Variants in DCDC1 observed in about 807,000 individuals in gnomAD.
The protein encoded by DCDC1 is doublecortin domain-containing protein 1.
A neutral mutation model predicts 178.3 loss-of-function variants in DCDC1; 200 were observed. That is an observed-to-expected ratio of 1.12 (90% CI 1.00 to 1.26). The LOEUF (loss-of-function observed/expected upper bound fraction) is 1.26, where lower values mean the gene tolerates loss of function less well. Ranked by LOEUF, DCDC1 falls within the 50% of genes most tolerant of loss-of-function variation. The pLI, the probability that DCDC1 is intolerant of heterozygous loss-of-function variation, is 0.00. For missense variants in DCDC1, 1,983 were observed against 1,749.2 expected (o/e 1.13, Z -2.38); for synonymous variants, 690 against 604.8 (o/e 1.14, Z -2.07).
chr11:31,074,212 C>A (rs1310597772), intron 18 of DCDC1, among the ~76,000 whole-genome samples: 3 of 152,088 alleles, frequency 2.0e-5, no homozygotes, highest in Admixed American at 2.0e-4. Context: ...CACTGGACAT[C>A]GAAGAAGTCA....
intron 11 of DCDC1, among the ~76,000 whole-genome samples, chr11:31,125,059 C>T (rs1023634363): frequency 1.3e-5 from 2 of 151,986 alleles, no homozygotes; most frequent in African/African-American, 4.8e-5. Context: ...CCACAATTTA[C>T]ATGGAACTTA....
At chr11:31,146,856 T>A (rs904157788) in intron 9 of DCDC1, among the ~76,000 whole-genome samples, 3 of 152,130 alleles carry the variant, frequency 2.0e-5, no homozygotes, top group Non-Finnish European at 4.4e-5. Context: ...CCAGCTTAAC[T>A]CTCAGTTACT....
At chr11:31,154,762 C>G (rs1376420038) in intron 9 of DCDC1, among the ~76,000 whole-genome samples, 1 of 152,146 alleles carries the variant, frequency 6.6e-6, no homozygotes, top group African/African-American at 2.4e-5. Context: ...GCAAAGCTAG[C>G]CTTTTACAAT....
intron 13 of DCDC1, among the ~76,000 whole-genome samples, chr11:31,105,822 T>C (rs1958808595): frequency 6.6e-6 from 1 of 152,152 alleles, no homozygotes; most frequent in East Asian, 1.9e-4. Flanking sequence ...TATTTGAATA[T>C]ATAGCAAATC....
intron 18 of DCDC1, among the ~76,000 whole-genome samples, chr11:31,076,276 C>A (rs1206935760): frequency 6.6e-6 from 1 of 152,132 alleles, no homozygotes; most frequent in Non-Finnish European, 1.5e-5. Context: ...ATTGTTGAAG[C>A]TCTCAAATGC....
intron 8 of DCDC1, among the ~76,000 whole-genome samples, chr11:31,257,203 C>T (rs1050647972): frequency 1.3e-5 from 2 of 152,168 alleles, no homozygotes; most frequent in Admixed American, 6.5e-5. Flanking sequence ...CATCTGCTGC[C>T]TTCAATTCTA....
In DCDC1 at chr11:31,062,659, A is replaced by G. The variant is rs866527164; in HGVS notation, c.2591+1810T>C. ...GTACAAAAGACTTGAGGTTTAAATA[A>G]TAAATTAAATAAATAATAAATTGGA... On this transcript the variant is annotated intron_variant, in intron 20 of 38. Transcript: ENST00000684477. 2.0e-5 allele frequency among the ~76,000 whole-genome samples: 3 copies of G among 152,272 alleles called. No homozygotes were observed. In the Middle Eastern group the frequency reaches 0.01, roughly 518 times the overall value.
intron 20 of DCDC1, among the ~76,000 whole-genome samples, chr11:31,036,925 G>A (rs1954078661): frequency 1.3e-5 from 2 of 152,096 alleles, no homozygotes; most frequent in Admixed American, 1.3e-4. Flanking sequence ...TAAGAGTTAG[G>A]TATTACTATT....
rs1418210761 is a variant in DCDC1 at position 30,973,222 on chromosome 11, C to T, written c.2592-20654G>A. On this transcript the variant is annotated intron_variant, in intron 20 of 38. Transcript: ENST00000684477. ...GGGAGGTGGCAGTTAAAGAGTGAGCCAAGATGGCACCACTGCACTCCAACC... is the reference window on the plus strand; with the variant it reads ...GGGAGGTGGCAGTTAAAGAGTGAGCTAAGATGGCACCACTGCACTCCAACC... Among the ~76,000 whole-genome samples the T allele has an allele frequency of 2.1e-5, 3 of 143,158 alleles. No individual in the cohort carries two copies. In the South Asian group the frequency reaches 6.6e-4, roughly 31 times the overall value. The allele number at this position is 143,158 out of a possible 152,430, so 93.9% of individuals were successfully genotyped here. A position where few individuals can be genotyped will look rare whatever the true frequency, so the allele number is the denominator to read the frequency against.
intron 36 of DCDC1, chr11:30,882,935 A>G (rs1017937012): frequency 4.6e-5 from 7 of 152,194 alleles, no homozygotes; most frequent in African/African-American, 1.7e-4. Context: ...GAAACGAGAC[A>G]ACCACAGCTT....
intron 11 of DCDC1, among the ~76,000 whole-genome samples, chr11:31,118,556 A>G (rs776491749): frequency 7.9e-5 from 12 of 152,182 alleles, no homozygotes; most frequent in Non-Finnish European, 1.5e-4. Flanking sequence ...GAACATATGT[A>G]GGAAAGGAAT....
intron 24 of DCDC1, among the ~76,000 whole-genome samples, chr11:30,922,044 C>G (rs1163094107): frequency 6.6e-6 from 1 of 152,086 alleles, no homozygotes; most frequent in East Asian, 1.9e-4. Context: ...TCGTCTGAAC[C>G]AACAGAAGGA....
intron 26 of DCDC1, 62 bp downstream of exon 26, chr11:30,916,808 C>T: frequency 6.7e-7 from 1 of 1,498,342 alleles, no homozygotes; most frequent in South Asian, 1.5e-5. Flanking sequence ...TATATGTGTC[C>T]CAAGGTGAGA....
intron 9 of DCDC1, among the ~76,000 whole-genome samples, chr11:31,216,008 A>AG (rs1203353826): frequency 1.3e-5 from 2 of 152,142 alleles, no homozygotes; most frequent in African/African-American, 4.8e-5. Context: ...AATGTGATGG[A>AG]GTTCCTGCCC....
chr11:31,174,681 C>A (rs1967753512), intron 9 of DCDC1, among the ~76,000 whole-genome samples: 1 of 152,162 alleles, frequency 6.6e-6, no homozygotes, highest in African/African-American at 2.4e-5. Flanking sequence ...TCAGCATGTA[C>A]TTCCTCCCCT....
intron 13 of DCDC1, among the ~76,000 whole-genome samples, chr11:31,105,117 G>GAATGTTA (rs1339828759): frequency 6.6e-6 from 1 of 151,934 alleles, no homozygotes; most frequent in African/African-American, 2.4e-5. Flanking sequence ...TAACTTTTTA[G>GAATGTTA]ACATATACAT....
At chr11:31,202,424 AGTTGACTGT>A (rs2136444295) in intron 9 of DCDC1, among the ~76,000 whole-genome samples, 1 of 151,992 alleles carries the variant, frequency 6.6e-6, no homozygotes, top group East Asian at 1.9e-4. Flanking sequence ...AAAAAAAAGT[AGTTGACTGT>A]GGTGGCATTT....
intron 20 of DCDC1, among the ~76,000 whole-genome samples, chr11:31,028,074 A>C (rs2135254672): frequency 6.6e-6 from 1 of 152,048 alleles, no homozygotes; most frequent in Non-Finnish European, 1.5e-5. Flanking sequence ...ACAATAATGC[A>C]ATGATATATA....
intron 18 of DCDC1, among the ~76,000 whole-genome samples, chr11:31,072,204 T>C (rs1029050590): frequency 6.6e-6 from 1 of 152,212 alleles, no homozygotes; most frequent in Admixed American, 6.5e-5. Context: ...CTAGTGAGGC[T>C]GAAATTTTTA....
Sources: allele counts gnomAD v4.1 joint callset (sites outside exome capture counted in the v4.1 genomes callset), GRCh38; gene constraint gnomAD v4.1.1; transcripts MANE v1.5; gene names NCBI Gene and HGNC (gene_info 2026-07-23, HGNC 2026-07-21).